BIN2: variants seen among roughly 807,000 people sequenced by gnomAD.
BIN2 encodes bridging integrator 2, also known as breast cancer associated protein BRAP1.
In BIN2, 43 loss-of-function variants were observed where a neutral mutation model predicts 67.9. That is an observed-to-expected ratio of 0.63 (90% CI 0.50 to 0.82). The LOEUF (loss-of-function observed/expected upper bound fraction) is 0.82, where lower values mean the gene tolerates loss of function less well. Among genes scored for constraint, BIN2 ranks in the 40% least tolerant of loss-of-function variants. The pLI, the probability that BIN2 is intolerant of heterozygous loss-of-function variation, is 0.00. For synonymous variants in BIN2, 244 were observed against 246.8 expected, an observed-to-expected ratio of 0.99 and a Z score of 0.11; for missense variants, 581 against 671.6, an observed-to-expected ratio of 0.87 and a Z score of 1.49.
rs774299371 is a variant in BIN2, at chr12:51,288,126, G to A, written c.1578C>T (p.Ile526=). 4.1e-5 allele frequency: 66 copies of A among 1,613,588 alleles called. No individual in the cohort carries two copies. The highest frequency in any genetic ancestry group is 1.7e-6 in the Non-Finnish European group (2 of 1,179,608). The change falls in exon 11 of 13, where the codon ATC becomes ATT. Residue 526 remains isoleucine (I), a synonymous_variant. Transcript: ENST00000615107. ...TTAGTACCTCCGAGGAGTTAGCTGA[G>A]ATAAGCTTATTATCCTTTTCCTTGT... ...MEDKEKDNKL[I]SANSSEGQDQ... is the part of the protein sequence containing the mutation.
At chr12:51,309,332 G>A (rs967248181) in intron 2 of BIN2, among the ~76,000 whole-genome samples, 2 of 152,140 alleles carry the variant, frequency 1.3e-5, no homozygotes, top group African/African-American at 4.8e-5. Context: ...CAGGTCAGAC[G>A]TGACTGTATT....
intron 1 of BIN2, 147 bp downstream of exon 1, chr12:51,323,875 G>T: frequency 1.0e-6 from 1 of 1,004,154 alleles, no homozygotes; most frequent in Non-Finnish European, 1.4e-6. Context: ...CCTCGCTCCC[G>T]TTTCCCTGGG....
At chr12:51,301,222 A>C (rs1267677811) in intron 5 of BIN2, among the ~76,000 whole-genome samples, 1 of 152,166 alleles carries the variant, frequency 6.6e-6, no homozygotes, top group African/African-American at 2.4e-5. Context: ...CATCTCAAAA[A>C]AAAGAAAACA....
Position 51,291,991 on chromosome 12 carries a change from C to G in BIN2, c.1115G>C (p.Gly372Ala), listed in dbSNP as rs1945395686. Residue 372 changes from glycine (G) to alanine (A), a missense_variant, in exon 10 of 13, where the codon GGA (glycine) becomes GCA (alanine). By Grantham distance (60) the Gly-to-Ala change is moderately conservative (BLOSUM62 0). Transcript: ENST00000615107. Reference sequence around the variant, plus strand: ...AGGCTGCCCTGAAGGGCTCAGGGCTCCGCCTGGTGATGGAGTTGTGGAGCT... The same window carrying G: ...AGGCTGCCCTGAAGGGCTCAGGGCTGCGCCTGGTGATGGAGTTGTGGAGCT... ...LPSSTTPSPG[G>A]ALSPSGQPSS... The G allele has an allele frequency of 6.2e-7, 1 of 1,614,046 alleles. No homozygotes were observed. Among genetic ancestry groups the G allele is most frequent in the African/African-American group, 1.3e-5 (1 of 74,916 alleles).
In BIN2 at chr12:51,291,777, A is replaced by C; in HGVS notation, c.1329T>G (p.Gly443=). The change falls in exon 10 of 13, where the codon GGT becomes GGG. Residue 443 remains glycine (G), a synonymous_variant. Transcript: ENST00000615107. ...IPSSPTASGG[G]SPTSPRASLG... Reference sequence around the variant, plus strand: ...AGGAGGCCCTAGGGCTGGTGGGTGAACCCCCTCCAGAGGCTGTAGGGCTGG... The same window carrying C: ...AGGAGGCCCTAGGGCTGGTGGGTGACCCCCCTCCAGAGGCTGTAGGGCTGG... 1 of 1,613,338 alleles carries C rather than the reference A, an allele frequency of 6.2e-7. No homozygotes were observed. The highest frequency in any genetic ancestry group is 8.5e-7 in the Non-Finnish European group (1 of 1,179,660).
rs1945772483 is a variant in BIN2, at chr12:51,303,074, C to A, written c.217+13G>T. The A allele has an allele frequency of 4.3e-6, 7 of 1,613,684 alleles. No individual in the cohort carries two copies. The African/African-American group carries it at 8.0e-5, about 18-fold the overall frequency. ...TAAATGCCCTCTGGATTCTCCCATG[C>A]TGCATTGCCCACCTTTGACTGCACT... On this transcript the variant is annotated intron_variant, in intron 3 of 12. Coordinates refer to ENST00000615107, the MANE Select transcript of BIN2 (RefSeq NM_016293.4).
intron 1 of BIN2, among the ~76,000 whole-genome samples, chr12:51,321,509 C>T (rs1946283204): frequency 6.6e-6 from 1 of 152,082 alleles, no homozygotes; most frequent in African/African-American, 2.4e-5. Flanking sequence ...AAGCGATTCT[C>T]CTGCCTCAGC....
chr12:51,302,910 A>T, intron 3 of BIN2, 130 bp from the exon 4 acceptor site: 1 of 1,125,348 alleles, frequency 8.9e-7, no homozygotes, highest in East Asian at 2.4e-5. Flanking sequence ...TAAGTGAGGA[A>T]AGCTGGATGG....
intron 1 of BIN2, 106 bp downstream of exon 1, chr12:51,323,916 C>T: frequency 5.0e-6 from 7 of 1,406,240 alleles, no homozygotes; most frequent in Non-Finnish European, 6.8e-6. Flanking sequence ...TCAGCCCAGA[C>T]CCTTCGGGGC....
chr12:51,303,064 T>G, intron 3 of BIN2, 23 bp downstream of exon 3: 1 of 1,612,396 alleles, frequency 6.2e-7, no homozygotes, highest in African/African-American at 1.3e-5. Context: ...GCCCTCTGGA[T>G]TCTCCCATGC....
intron 2 of BIN2, among the ~76,000 whole-genome samples, chr12:51,305,408 G>A (rs962804192): frequency 5.3e-5 from 8 of 152,018 alleles, no homozygotes; most frequent in Admixed American, 3.9e-4. Context: ...GGAGGATCAC[G>A]AGGTCAGGAG....
rs907839742 is a variant in BIN2 at position 51,301,870 on chromosome 12, G to A, written c.408+150C>T. ...TTCCAACCTTCTATCCTAACCTCTT[G>A]TCTAACCCTCAACCTTAATCTTTCT... On this transcript the variant is annotated intron_variant, in intron 5 of 12. Coordinates refer to ENST00000615107, the MANE Select transcript of BIN2 (RefSeq NM_016293.4). 6.7e-6 allele frequency: 4 copies of A among 597,468 alleles called. No homozygotes were observed. The Admixed American group carries it at 1.2e-4, about 17-fold the overall frequency. The allele number at this position is 597,468 out of a possible 1,614,324, so 37.0% of individuals were successfully genotyped here.
At chr12:51,281,751 G>T (rs1945124324) in intron 12 of BIN2, among the ~76,000 whole-genome samples, 1 of 152,102 alleles carries the variant, frequency 6.6e-6, no homozygotes, top group East Asian at 1.9e-4. Context: ...ATTCACAGGA[G>T]AATTTCTTTT....
intron 1 of BIN2, among the ~76,000 whole-genome samples, chr12:51,318,843 G>A (rs1565691955): frequency 6.6e-6 from 1 of 152,050 alleles, no homozygotes. Context: ...CACTCAATAG[G>A]TACTCACTGT....
intron 1 of BIN2, among the ~76,000 whole-genome samples, chr12:51,317,688 A>T (rs1946168714): frequency 6.6e-6 from 1 of 151,118 alleles, no homozygotes; most frequent in South Asian, 2.1e-4. Context: ...AATTAAATTA[A>T]ATTAAAAAAG....
intron 11 of BIN2, among the ~76,000 whole-genome samples, chr12:51,286,136 T>C (rs1217190880): frequency 6.6e-6 from 1 of 152,118 alleles, no homozygotes; most frequent in Non-Finnish European, 1.5e-5. Flanking sequence ...TTTTCAAAAA[T>C]GGCTATGTTT....
intron 10 of BIN2, among the ~76,000 whole-genome samples, chr12:51,289,275 A>G (rs1452081453): frequency 1.3e-5 from 2 of 152,130 alleles, no homozygotes; most frequent in Non-Finnish European, 2.9e-5. Context: ...GTGTCACAGA[A>G]CAAGTCAAAT....
intron 11 of BIN2, among the ~76,000 whole-genome samples, chr12:51,285,490 C>A (rs1388053816): frequency 6.6e-6 from 1 of 152,066 alleles, no homozygotes; most frequent in Admixed American, 6.6e-5. Flanking sequence ...AAAGAAAGCC[C>A]TGCCTAGAAA....
At chr12:51,298,721 C>G (rs1201947475) in intron 7 of BIN2, among the ~76,000 whole-genome samples, 1 of 151,796 alleles carries the variant, frequency 6.6e-6, no homozygotes, top group Non-Finnish European at 1.5e-5. Flanking sequence ...ATCTCTTGTA[C>G]AATAAAAAGA....
Sources: allele counts gnomAD v4.1 joint callset (sites outside exome capture counted in the v4.1 genomes callset), GRCh38; gene constraint gnomAD v4.1.1; transcripts MANE v1.5; gene names NCBI Gene and HGNC (gene_info 2026-07-23, HGNC 2026-07-21).